FRMD4A: variants seen among roughly 807,000 people sequenced by gnomAD.
FRMD4A encodes FERM domain containing 4A.
In FRMD4A, 29 loss-of-function variants were observed where a neutral mutation model predicts 129.1. The ratio of observed to expected loss-of-function variants is 0.22; its 90% CI spans 0.17 to 0.31. The LOEUF is 0.31. Ranked by LOEUF, FRMD4A falls within the 10% of genes least tolerant of loss-of-function variation. FRMD4A has a pLI of 1.00. For synonymous variants in FRMD4A, 634 were observed against 571.6 expected, an observed-to-expected ratio of 1.11 and a Z score of -1.56; for missense variants, 1,272 against 1,375.8, an observed-to-expected ratio of 0.92 and a Z score of 1.19.
chr10:13,948,915 G>T (rs899275459), intron 2 of FRMD4A, among the ~76,000 whole-genome samples: 1 of 151,962 alleles, frequency 6.6e-6, no homozygotes, highest in African/African-American at 2.4e-5. Flanking sequence ...CTCCCAAAGT[G>T]TTGGGATTAC....
intron 9 of FRMD4A, chr10:13,744,594 G>A (rs941263681): frequency 6.6e-6 from 1 of 152,160 alleles, no homozygotes; most frequent in African/African-American, 2.4e-5. Flanking sequence ...GCTTGGCTGG[G>A]ATGCTAAGAC....
chr10:14,247,888 G>A (rs1429046361), intron 2 of FRMD4A, among the ~76,000 whole-genome samples: 1 of 150,450 alleles, frequency 6.6e-6, no homozygotes, highest in Admixed American at 6.6e-5. Flanking sequence ...AGCTCTGTTG[G>A]ACCTTCACAC....
chr10:14,117,984 T>C (rs1021930044), intron 2 of FRMD4A, among the ~76,000 whole-genome samples: 3 of 152,194 alleles, frequency 2.0e-5, no homozygotes, highest in Non-Finnish European at 4.4e-5. Context: ...CCTAGGACCA[T>C]TGTCTTTTCC....
chr10:14,085,276 C>T (rs546933337), intron 2 of FRMD4A, among the ~76,000 whole-genome samples: 1 of 152,318 alleles, frequency 6.6e-6, no homozygotes, highest in East Asian at 1.9e-4. Context: ...TGGCCTTGCG[C>T]AGGTTATTCC....
rs752538869 is a variant in FRMD4A at position 13,654,451 on chromosome 10, T to TG, written c.3014dup (p.Ser1006LysfsTer25). On this transcript the variant is annotated frameshift_variant, in exon 23 of 25. Coordinates refer to ENST00000357447, the MANE Select transcript of FRMD4A (RefSeq NM_018027.5). LOFTEE classifies it high-confidence loss of function. ...AGGTTAGGATGTGGTGGGGGCTGCTTGGGGGGGTGGCTCCAATTTCACTTG... is the reference window on the plus strand; with the variant it reads ...AGGTTAGGATGTGGTGGGGGCTGCTTGGGGGGGGTGGCTCCAATTTCACTTG... 48 of 1,610,840 alleles carry TG rather than the reference T, an allele frequency of 3.0e-5. No individual in the cohort carries two copies. The highest frequency in any genetic ancestry group is 5.0e-5 in the Admixed American group (3 of 59,964).
chr10:13,968,224 G>A (rs1195782827), intron 2 of FRMD4A, among the ~76,000 whole-genome samples: 1 of 152,170 alleles, frequency 6.6e-6, no homozygotes, highest in East Asian at 1.9e-4. Flanking sequence ...GAGTATGGGT[G>A]TGTTTAAAAA....
chr10:14,126,799 T>G (rs371909171), intron 2 of FRMD4A, among the ~76,000 whole-genome samples: 3,496 of 152,096 alleles, frequency 0.023, 126 homozygotes, highest in African/African-American at 0.077. Context: ...GGAGAATACT[T>G]CTTGGGGAGA....
intron 2 of FRMD4A, among the ~76,000 whole-genome samples, chr10:14,024,250 T>A (rs1258468598): frequency 6.6e-6 from 1 of 152,222 alleles, no homozygotes; most frequent in Non-Finnish European, 1.5e-5. Context: ...AACTGCACAG[T>A]TGCAGATCAG....
At chr10:14,293,551 C>A (rs1246652001) in intron 2 of FRMD4A, among the ~76,000 whole-genome samples, 1 of 151,964 alleles carries the variant, frequency 6.6e-6, no homozygotes, top group East Asian at 1.9e-4. Context: ...CAAAAATCAC[C>A]TAACACTTAG....
intron 2 of FRMD4A, among the ~76,000 whole-genome samples, chr10:14,250,723 C>T (rs1270359027): frequency 6.6e-6 from 1 of 152,122 alleles, no homozygotes; most frequent in Non-Finnish European, 1.5e-5. Context: ...AAAAACGACA[C>T]ATTTCCTACC....
chr10:14,038,002 C>T (rs1349764234), intron 2 of FRMD4A, among the ~76,000 whole-genome samples: 1 of 152,128 alleles, frequency 6.6e-6, no homozygotes, highest in African/African-American at 2.4e-5. Flanking sequence ...CATGTTAGAA[C>T]CATCTACTCA....
Position 13,869,122 on chromosome 10 carries a change from C to T in FRMD4A, c.46-10210G>A, listed in dbSNP as rs925505112. ...TCTCTGATCATGCAAAAGAGAAGTC[C>T]GGGTGTGGGGACCCAGCGGTCTATG... On this transcript the variant is annotated intron_variant, in intron 2 of 24. Coordinates refer to ENST00000357447, the MANE Select transcript of FRMD4A (RefSeq NM_018027.5). 2.6e-5 allele frequency among the ~76,000 whole-genome samples: 4 copies of T among 152,106 alleles called. 1 individual carries two copies. Among genetic ancestry groups the T allele is most frequent in the East Asian group, 3.9e-4 (2 of 5,190 alleles).
At chr10:13,905,007 A>AG (rs1332132515) in intron 2 of FRMD4A, among the ~76,000 whole-genome samples, 3 of 151,064 alleles carry the variant, frequency 2.0e-5, no homozygotes, top group African/African-American at 7.3e-5. Context: ...AAAAAAAAAA[A>AG]AAAGAAAAGA....
rs73580796 is a variant in FRMD4A at position 13,904,098 on chromosome 10, C to G, written c.46-45186G>C. Reference sequence around the variant, plus strand: ...GAAGCTCCCTGGCATTTGTTCATCACCAGGCACTGGTGGGGGCTGGGACAT... The same window carrying G: ...GAAGCTCCCTGGCATTTGTTCATCAGCAGGCACTGGTGGGGGCTGGGACAT... On this transcript the variant is annotated intron_variant, in intron 2 of 24. Transcript: ENST00000357447. 8.4e-3 allele frequency among the ~76,000 whole-genome samples: 1,273 copies of G among 152,282 alleles called. 17 individuals are homozygous for G. Among genetic ancestry groups the G allele is most frequent in the African/African-American group, 0.029 (1,217 of 41,544 alleles).
chr10:13,696,877 T>A (rs1370291122), intron 14 of FRMD4A, among the ~76,000 whole-genome samples: 1 of 152,188 alleles, frequency 6.6e-6, no homozygotes, highest in African/African-American at 2.4e-5. Flanking sequence ...ATCCCAGAGT[T>A]GTGATAACTA....
At chr10:14,163,350 G>A (rs1299566632) in intron 2 of FRMD4A, among the ~76,000 whole-genome samples, 1 of 152,150 alleles carries the variant, frequency 6.6e-6, no homozygotes, top group South Asian at 2.1e-4. Context: ...TATCATTAAC[G>A]TAATTCCCTT....
intron 2 of FRMD4A, among the ~76,000 whole-genome samples, chr10:14,001,278 A>T (rs1284038861): frequency 6.6e-6 from 1 of 152,204 alleles, no homozygotes; most frequent in East Asian, 1.9e-4. Flanking sequence ...TTTCCAATGC[A>T]ACACCAAAGT....
intron 2 of FRMD4A, among the ~76,000 whole-genome samples, chr10:13,965,581 C>T (rs998628278): frequency 6.6e-6 from 1 of 152,214 alleles, no homozygotes; most frequent in Non-Finnish European, 1.5e-5. Flanking sequence ...TTAGAAGGCA[C>T]ATATCTGTAA....
chr10:13,975,385 G>A (rs545197404), intron 2 of FRMD4A, among the ~76,000 whole-genome samples: 3 of 151,810 alleles, frequency 2.0e-5, no homozygotes, highest in African/African-American at 4.8e-5. Context: ...TACTGCATAT[G>A]TCTTTGTCTC....
Sources: gnomAD v4.1 joint callset for allele counts (sites outside exome capture counted in the v4.1 genomes callset) on GRCh38, gnomAD v4.1.1 for gene constraint, MANE v1.5 for transcripts, NCBI Gene and HGNC (gene_info 2026-07-23, HGNC 2026-07-21) for gene names.